Variants in PDE4D observed in about 807,000 individuals in gnomAD.
PDE4D encodes the protein 3',5'-cyclic-AMP phosphodiesterase 4D.
A neutral mutation model predicts 87.4 loss-of-function variants in PDE4D; 24 were observed. The observed-to-expected ratio is 0.27, with a 90% confidence interval of 0.20 to 0.39. The LOEUF is 0.39. Among genes scored for constraint, PDE4D ranks in the 10% least tolerant of loss-of-function variants. PDE4D has a pLI of 1.00. For synonymous variants in PDE4D, 384 were observed against 383.2 expected (o/e 1.00, Z -0.02); for missense variants, 714 against 1,041.0 (o/e 0.69, Z 4.32).
rs549153368 is a variant in PDE4D, at chr5:59,094,212, G to A, written c.809-55241C>T. Among the ~76,000 whole-genome samples, 28 of 71,336 alleles carry A rather than the reference G, an allele frequency of 3.9e-4. No individual in the cohort carries two copies. In the East Asian group the frequency reaches 8.6e-3, roughly 22 times the overall value. 46.8% of individuals were successfully genotyped at this position (71,336 alleles called of 152,430 possible). A position where few individuals can be genotyped will look rare whatever the true frequency, so the allele number is the denominator to read the frequency against. On this transcript the variant is annotated intron_variant, in intron 5 of 14. Transcript: ENST00000340635. ...CAGCCTGGTGACAGAGCAAGACTCC[G>A]TCTCAAAAAAAAAAAAAAAAAAAAA... is the stretch of plus-strand genomic sequence containing the variant.
chr5:59,585,243 T>C (rs558325080), intron 1 of PDE4D, among the ~76,000 whole-genome samples: 1 of 152,328 alleles, frequency 6.6e-6, no homozygotes, highest in Admixed American at 6.5e-5. Flanking sequence ...TTCTCTGCAA[T>C]GGATTTTTTA....
At chr5:59,814,639 A>T (rs1768774228) in intron 1 of PDE4D, among the ~76,000 whole-genome samples, 1 of 152,214 alleles carries the variant, frequency 6.6e-6, no homozygotes, top group African/African-American at 2.4e-5. Flanking sequence ...TCCAGTTGAC[A>T]GTTCACCAAA....
intron 1 of PDE4D, among the ~76,000 whole-genome samples, chr5:59,389,224 AAC>A (rs1787740831): frequency 6.6e-6 from 1 of 152,010 alleles, no homozygotes; most frequent in Non-Finnish European, 1.5e-5. Flanking sequence ...CTTTTTCATT[AAC>A]AGTTTTATAA....
intron 3 of PDE4D, among the ~76,000 whole-genome samples, chr5:59,903,709 G>T (rs540464721): frequency 2.2e-4 from 34 of 152,130 alleles, no homozygotes; most frequent in Admixed American, 3.3e-4. Flanking sequence ...CACAGAAGAT[G>T]GTAACTCATC....
chr5:60,404,649 T>C (rs566104085), intron 1 of PDE4D, among the ~76,000 whole-genome samples: 4 of 152,356 alleles, frequency 2.6e-5, no homozygotes, highest in Non-Finnish European at 4.4e-5. Flanking sequence ...GAAAGCCACA[T>C]GTACCCTGTG....
intron 1 of PDE4D, among the ~76,000 whole-genome samples, chr5:59,427,338 C>CACACACACA (rs1795435905): frequency 7.3e-6 from 1 of 137,906 alleles, no homozygotes; most frequent in African/African-American, 3.4e-5. Context: ...CACACACACA[C>CACACACACA]GCCCCTATGC....
At chr5:59,629,683 C>T (rs1173637881) in intron 1 of PDE4D, among the ~76,000 whole-genome samples, 1 of 152,128 alleles carries the variant, frequency 6.6e-6, no homozygotes, top group Non-Finnish European at 1.5e-5. Context: ...CTATAGCAGC[C>T]CTAGCCGACT....
chr5:59,552,793 T>A (rs1030507734), intron 1 of PDE4D, among the ~76,000 whole-genome samples: 8 of 152,180 alleles, frequency 5.3e-5, no homozygotes, highest in Admixed American at 4.6e-4. Context: ...TTATTTGACA[T>A]GAGCATGAAT....
intron 1 of PDE4D, among the ~76,000 whole-genome samples, chr5:59,459,230 CTTAT>C (rs1376387131): frequency 2.0e-5 from 3 of 152,116 alleles, no homozygotes; most frequent in Admixed American, 1.3e-4. Flanking sequence ...CTTACCCTGT[CTTAT>C]GTACTGAAAA....
chr5:59,218,656 T>C (rs1028610982), intron 1 of PDE4D, among the ~76,000 whole-genome samples: 4 of 152,142 alleles, frequency 2.6e-5, no homozygotes, highest in Admixed American at 1.3e-4. Context: ...TATTTTCTAC[T>C]GAAGGGTTAA....
intron 1 of PDE4D, among the ~76,000 whole-genome samples, chr5:59,540,363 C>CA (rs200679838): frequency 1.9e-4 from 29 of 150,858 alleles, no homozygotes; most frequent in African/African-American, 3.4e-4. Context: ...AAAACGAAAA[C>CA]AAAAAAAACC....
At chr5:60,150,292 A>C (rs373447069) in intron 2 of PDE4D, among the ~76,000 whole-genome samples, 44 of 152,080 alleles carry the variant, frequency 2.9e-4, no homozygotes, top group African/African-American at 1.1e-3. Context: ...TGGGCAAACT[A>C]GGCTCAGTCT....
chr5:60,062,851 T>A (rs1162451391), intron 2 of PDE4D, among the ~76,000 whole-genome samples: 2 of 151,580 alleles, frequency 1.3e-5, no homozygotes, highest in African/African-American at 4.9e-5. Flanking sequence ...TACTCATAAG[T>A]GGGAGTTGAA....
chr5:59,382,050 G>A (rs1386977367), intron 1 of PDE4D, among the ~76,000 whole-genome samples: 1 of 152,042 alleles, frequency 6.6e-6, no homozygotes, highest in East Asian at 1.9e-4. Context: ...GCCCTTCTCA[G>A]CCTTTCAACC....
intron 1 of PDE4D, among the ~76,000 whole-genome samples, chr5:59,240,649 A>T (rs573126610): frequency 6.6e-6 from 1 of 152,132 alleles, no homozygotes; most frequent in Non-Finnish European, 1.5e-5. Context: ...AGAACATTGT[A>T]TCTGTTTATG....
chr5:60,163,127 C>T (rs1782601338), intron 2 of PDE4D, among the ~76,000 whole-genome samples: 1 of 152,144 alleles, frequency 6.6e-6, no homozygotes, highest in Non-Finnish European at 1.5e-5. Context: ...TTATGCATCT[C>T]TTTTTAATTG....
At chr5:60,324,228 C>T (rs1321726086) in intron 1 of PDE4D, among the ~76,000 whole-genome samples, 1 of 152,198 alleles carries the variant, frequency 6.6e-6, no homozygotes, top group Non-Finnish European at 1.5e-5. Context: ...CAGGGATGTG[C>T]TGTCTCTAAA....
intron 5 of PDE4D, among the ~76,000 whole-genome samples, chr5:59,111,828 C>T (rs1265206010): frequency 2.0e-5 from 3 of 152,108 alleles, no homozygotes; most frequent in Admixed American, 6.5e-5. Context: ...CTGAGTACAT[C>T]GATAATTCAT....
intron 2 of PDE4D, among the ~76,000 whole-genome samples, chr5:60,046,352 C>T (rs538605556): frequency 1.1e-3 from 175 of 152,210 alleles, no homozygotes; most frequent in African/African-American, 4.0e-3. Flanking sequence ...ATTGAATACC[C>T]TTTATTTCCT....
Sources: allele counts gnomAD v4.1 joint callset (sites outside exome capture counted in the v4.1 genomes callset), GRCh38; gene constraint gnomAD v4.1.1; transcripts MANE v1.5; gene names NCBI Gene and HGNC (gene_info 2026-07-23, HGNC 2026-07-21).